Variants in GNA13 observed in about 807,000 individuals in gnomAD.
GNA13 encodes the protein G protein subunit alpha 13, also known as guanine nucleotide-binding protein subunit alpha-13.
In GNA13, 4 loss-of-function variants were observed where a neutral mutation model predicts 33.5. The observed-to-expected ratio is 0.12, with a 90% CI of 0.06 to 0.27. The LOEUF is 0.27. GNA13 is among the 10% of genes least tolerant of loss of function. The pLI is 1.00. For missense variants in GNA13, 319 were observed against 487.2 expected (o/e 0.65, Z 3.25); for synonymous variants, 176 against 183.8 (o/e 0.96, Z 0.34).
In GNA13 at chr17:65,014,221, C is replaced by A; in HGVS notation, c.*36G>T. The A allele has an allele frequency of 8.1e-7, 1 of 1,237,688 alleles. No homozygotes were observed. Among genetic ancestry groups the A allele is most frequent in the South Asian group, 1.3e-5 (1 of 76,126 alleles). The allele number at this position is 1,237,688 out of a possible 1,614,324, so 76.7% of individuals were successfully genotyped here. On this transcript the variant is annotated 3_prime_UTR_variant, in exon 4 of 4. Transcript: ENST00000439174. This position sits in a 1 kb window ranked among gnomAD's most constrained non-coding sequence, Gnocchi z 5.3. ...CAAAACAAACAGAAAACATCAAAAA[C>A]ACAAAAAGATATTAAAACAGCAAGT...
chr17:65,023,754 G>T (rs959948316), intron 2 of GNA13, among the ~76,000 whole-genome samples: 9 of 152,182 alleles, frequency 5.9e-5, no homozygotes, highest in African/African-American at 1.9e-4. Flanking sequence ...TCTAACTACA[G>T]TTCCAACAGC....
intron 2 of GNA13, among the ~76,000 whole-genome samples, chr17:65,045,507 CAAAAAAAAAAA>C (rs369520601): frequency 1.1e-5 from 1 of 86,990 alleles, no homozygotes; most frequent in South Asian, 5.1e-4. Flanking sequence ...GACTCTGTCT[CAAAAAAAAAAA>C]AAAAAAAAAA....
chr17:65,036,617 A>G (rs1907260286), intron 2 of GNA13, among the ~76,000 whole-genome samples: 1 of 152,240 alleles, frequency 6.6e-6, no homozygotes, highest in African/African-American at 2.4e-5. Flanking sequence ...GAGGCATAAG[A>G]ATCGCTTGAA....
intron 2 of GNA13, among the ~76,000 whole-genome samples, chr17:65,034,120 C>T (rs902978760): frequency 4.7e-5 from 7 of 150,338 alleles, no homozygotes; most frequent in Admixed American, 6.6e-5. Flanking sequence ...AGTATCTTTC[C>T]AGACCAATGT....
chr17:65,043,765 A>C (rs1907548691), intron 2 of GNA13, among the ~76,000 whole-genome samples: 1 of 152,178 alleles, frequency 6.6e-6, no homozygotes, highest in Non-Finnish European at 1.5e-5. Context: ...AGTTCCACTA[A>C]AGTATTCTGG....
intron 2 of GNA13, among the ~76,000 whole-genome samples, chr17:65,052,714 G>A (rs931323682): frequency 3.1e-4 from 47 of 152,288 alleles, no homozygotes; most frequent in Non-Finnish European, 6.3e-4. Context: ...CTGTGTAACA[G>A]CTACAAAGCA....
At chr17:65,017,776 A>G (rs1433726176) in intron 3 of GNA13, among the ~76,000 whole-genome samples, 1 of 152,190 alleles carries the variant, frequency 6.6e-6, no homozygotes, top group African/African-American at 2.4e-5. Flanking sequence ...TTGTCAAAAG[A>G]TTTGGAAATC....
chr17:65,019,511 T>C (rs887702860), intron 2 of GNA13, among the ~76,000 whole-genome samples: 6 of 152,196 alleles, frequency 3.9e-5, no homozygotes, highest in African/African-American at 1.4e-4. Flanking sequence ...GATTCAGTCA[T>C]TTGCAACAAC....
rs1906216431 is a variant in GNA13 at position 65,012,278 on chromosome 17, G to A, written c.*1979C>T. 1 of 223,246 alleles carries A rather than the reference G, an allele frequency of 4.5e-6. No individual in the cohort carries two copies. The highest frequency in any genetic ancestry group is 8.9e-6 in the Non-Finnish European group (1 of 111,802). The allele number at this position is 223,246 out of a possible 1,614,324, so 13.8% of individuals were successfully genotyped here. Reference sequence around the variant, plus strand: ...ACTTGAGCCCTCACTGGAGTCAAATGTTTTGGCCATTCAATTTGCTAAATG... The same window carrying A: ...ACTTGAGCCCTCACTGGAGTCAAATATTTTGGCCATTCAATTTGCTAAATG... On this transcript the variant is annotated 3_prime_UTR_variant, in exon 4 of 4. Coordinates refer to ENST00000439174, the MANE Select transcript of GNA13 (RefSeq NM_006572.6).
intron 2 of GNA13, among the ~76,000 whole-genome samples, chr17:65,022,717 G>C (rs1454860560): frequency 6.6e-6 from 1 of 152,228 alleles, no homozygotes; most frequent in Non-Finnish European, 1.5e-5. Context: ...AAAATGAAAT[G>C]AGACTGCAAC....
rs982296533 is a variant in GNA13, at chr17:65,010,657, C to T, written c.*3600G>A. Reference sequence around the variant, plus strand: ...GATTTCCAAGTGAAAAAGACATGAGCAAAACTTCTGGTCTTAATTTCTCAA... The same window carrying T: ...GATTTCCAAGTGAAAAAGACATGAGTAAAACTTCTGGTCTTAATTTCTCAA... On this transcript the variant is annotated 3_prime_UTR_variant, in exon 4 of 4. Transcript: ENST00000439174. 4 of 204,830 alleles carry T rather than the reference C, an allele frequency of 2.0e-5. No homozygotes were observed. The highest frequency in any genetic ancestry group is 9.1e-5 in the African/African-American group (4 of 43,794). 12.7% of individuals were successfully genotyped at this position (204,830 alleles called of 1,614,324 possible). A position where few individuals can be genotyped will look rare whatever the true frequency, so the allele number is the denominator to read the frequency against.
At chr17:65,054,433 TA>T (rs1267616526) in intron 1 of GNA13, among the ~76,000 whole-genome samples, 1 of 152,234 alleles carries the variant, frequency 6.6e-6, no homozygotes, top group Non-Finnish European at 1.5e-5. Context: ...GTCACTTGGC[TA>T]TTAGGAAGTC....
chr17:65,012,615 A>T lies in GNA13; in HGVS notation c.*1642T>A. On this transcript the variant is annotated 3_prime_UTR_variant, in exon 4 of 4. Transcript: ENST00000439174. ...AAATGTGAGAAAAGTCAGGTATGTC[A>T]AGAACAATCCCTGGTTAGTTCACTG... is the stretch of plus-strand genomic sequence containing the variant. 4.4e-6 allele frequency: 1 copy of T among 228,626 alleles called. No individual in the cohort carries two copies. The highest frequency in any genetic ancestry group is 8.7e-6 in the Non-Finnish European group (1 of 115,146). 14.2% of individuals were successfully genotyped at this position (228,626 alleles called of 1,614,324 possible).
In GNA13 at chr17:65,056,520, G is replaced by A; in HGVS notation, c.74C>T (p.Ala25Val). ...CTCCTTGGACTTGCGTTGCTGCTCG[G>A]CCTCGCCACTCGTCAGCAGGCAGCC... Reference protein sequence around the residue: ...FPGCLLTSGEAEQQRKSKEID... With the variant: ...FPGCLLTSGEVEQQRKSKEID... Residue 25 changes from alanine to valine, a missense_variant, in exon 1 of 4, where the codon GCC (alanine) becomes GTC (valine). Around this residue, in one of 4 missense-constraint regions of GNA13, gnomAD observed 47 missense variants for 64.7 expected, o/e 0.73. Transcript: ENST00000439174. 6.2e-7 allele frequency: 1 copy of A among 1,613,282 alleles called. No homozygotes were observed. Among genetic ancestry groups the A allele is most frequent in the Non-Finnish European group, 8.5e-7 (1 of 1,179,802 alleles).
At chr17:65,031,921 A>AGAGTGTGTGTGTGT (rs770161529) in intron 2 of GNA13, among the ~76,000 whole-genome samples, 27 of 91,698 alleles carry the variant, frequency 2.9e-4, no homozygotes, top group African/African-American at 7.8e-4. Flanking sequence ...AGAGAGAGAG[A>AGAGTGTGTGTGTGT]GTGTGTGTGT....
At chr17:65,031,241 C>A (rs574160737) in intron 2 of GNA13, among the ~76,000 whole-genome samples, 2 of 152,126 alleles carry the variant, frequency 1.3e-5, no homozygotes, top group African/African-American at 4.8e-5. Flanking sequence ...GGTAAGTATT[C>A]GTGTATCTAA....
At chr17:65,045,507 C>CAAAAAAAAAAAAAAAAAAAAAA (rs369520601) in intron 2 of GNA13, among the ~76,000 whole-genome samples, 1 of 86,990 alleles carries the variant, frequency 1.1e-5, no homozygotes, top group African/African-American at 4.8e-5. Context: ...GACTCTGTCT[C>CAAAAAAAAAAAAAAAAAAAAAA]AAAAAAAAAA....
chr17:65,049,628 C>T (rs376820685), intron 2 of GNA13, among the ~76,000 whole-genome samples: 8 of 152,098 alleles, frequency 5.3e-5, no homozygotes, highest in African/African-American at 1.9e-4. Flanking sequence ...ACGGAGATCT[C>T]CATTCTAGCC....
chr17:65,012,497 GC>G lies in GNA13; in HGVS notation c.*1759del, dbSNP rs1296086725. 3 of 218,322 alleles carry G rather than the reference GC, an allele frequency of 1.4e-5. No homozygotes were observed. The highest frequency in any genetic ancestry group is 2.8e-5 in the Non-Finnish European group (3 of 108,614). 13.5% of individuals were successfully genotyped at this position (218,322 alleles called of 1,614,324 possible). ...CGAACATGCACGATACCATGAACTT[GC>G]ATCACGGTGCCGGGCTACGTATGTG... On this transcript the variant is annotated 3_prime_UTR_variant, in exon 4 of 4. Coordinates refer to ENST00000439174, the MANE Select transcript of GNA13 (RefSeq NM_006572.6).
Sources: allele counts gnomAD v4.1 joint callset (sites outside exome capture counted in the v4.1 genomes callset), GRCh38; gene constraint gnomAD v4.1.1; regional missense constraint gnomAD v4.1.1; non-coding constraint Gnocchi (gnomAD v3.1); transcripts MANE v1.5; gene names NCBI Gene and HGNC (gene_info 2026-07-23, HGNC 2026-07-21).